The following CEP162 variants were observed in gnomAD, a reference collection of about 807,000 sequenced individuals.
CEP162 encodes centrosomal protein of 162 kDa.
CEP162 carries 141 observed loss-of-function variants against 169.2 expected under a neutral mutation model. That is an observed-to-expected ratio of 0.83 (90% confidence interval 0.73 to 0.96). The LOEUF (loss-of-function observed/expected upper bound fraction) is 0.96, where lower values mean the gene tolerates loss of function less well. Among genes scored for constraint, CEP162 ranks in the 40% least tolerant of loss-of-function variants. The pLI, the probability that CEP162 is intolerant of heterozygous loss-of-function variation, is 0.00. For missense variants in CEP162, 1,600 were observed against 1,587.2 expected (o/e 1.01, Z -0.14); for synonymous variants, 540 against 526.4 (o/e 1.03, Z -0.35).
At chr6:84,224,889 T>C (rs2099555113) in intron 2 of CEP162, among the ~76,000 whole-genome samples, 1 of 152,228 alleles carries the variant, frequency 6.6e-6, no homozygotes, top group African/African-American at 2.4e-5. Context: ...ATTTTCAAAA[T>C]GTGTCTGTAT....
At chr6:84,205,054 A>G (rs2099546255) in intron 6 of CEP162, among the ~76,000 whole-genome samples, 1 of 152,156 alleles carries the variant, frequency 6.6e-6, no homozygotes, top group African/African-American at 2.4e-5. Context: ...TAGACCAATA[A>G]CAGGATCTGA....
At chr6:84,227,401 ACCCCGT>A (rs960342216) in intron 1 of CEP162, among the ~76,000 whole-genome samples, 173 bp downstream of exon 1, 1 of 151,588 alleles carries the variant, frequency 6.6e-6, no homozygotes, top group Non-Finnish European at 1.5e-5. Context: ...CCTGGCTGCG[ACCCCGT>A]CCCCAGAAGC....
intron 25 of CEP162, among the ~76,000 whole-genome samples, chr6:84,129,618 T>A (rs1256221779): frequency 6.6e-6 from 1 of 152,216 alleles, no homozygotes; most frequent in African/African-American, 2.4e-5. Context: ...AAAAATTTTC[T>A]GCCATTCTGT....
chr6:84,174,001 C>T, intron 16 of CEP162, 47 bp downstream of exon 16: 3 of 1,548,960 alleles, frequency 1.9e-6, no homozygotes, highest in South Asian at 1.2e-5. Context: ...ATTTTTATAA[C>T]TAAAAGATCA....
intron 14 of CEP162, 81 bp from the exon 15 acceptor site, chr6:84,175,035 A>G (rs2099531847): frequency 2.0e-6 from 2 of 1,022,364 alleles, no homozygotes; most frequent in African/African-American, 3.3e-5. Context: ...AAAAAGAATA[A>G]AAAGGACATG....
At chr6:84,141,881 G>GA (rs939942469) in intron 25 of CEP162, among the ~76,000 whole-genome samples, 1 of 151,984 alleles carries the variant, frequency 6.6e-6, no homozygotes, top group African/African-American at 2.4e-5. Context: ...TGTGCTCAAG[G>GA]AAAAGAAAAA....
intron 2 of CEP162, among the ~76,000 whole-genome samples, chr6:84,223,882 G>A (rs2099554708): frequency 6.6e-6 from 1 of 151,864 alleles, no homozygotes; most frequent in South Asian, 2.1e-4. Context: ...CTCCAGCCTG[G>A]GCAACAGAGC....
intron 25 of CEP162, among the ~76,000 whole-genome samples, chr6:84,140,763 G>T (rs1164152412): frequency 6.6e-6 from 1 of 152,098 alleles, no homozygotes; most frequent in Non-Finnish European, 1.5e-5. Context: ...GGCCTTGGGA[G>T]ATCCTCTCAC....
In CEP162 at chr6:84,201,734, T is replaced by C; in HGVS notation, c.718+3A>G. The C allele has an allele frequency of 7.6e-7, 1 of 1,318,772 alleles. No homozygotes were observed. The highest frequency in any genetic ancestry group is 1.4e-5 in the South Asian group (1 of 72,686). The allele number at this position is 1,318,772 out of a possible 1,614,324, so 81.7% of individuals were successfully genotyped here. ...CTAAAACATGAATATAAATAATATTTACCATTAGCAAGCATGCCAGTTTTT... is the reference window on the plus strand; with the variant it reads ...CTAAAACATGAATATAAATAATATTCACCATTAGCAAGCATGCCAGTTTTT... On this transcript the variant is annotated splice_donor_region_variant and intron_variant, in intron 8 of 26. Transcript: ENST00000403245.
At chr6:84,208,985 A>G (rs62449313) in intron 6 of CEP162, among the ~76,000 whole-genome samples, 5,758 of 152,338 alleles carry the variant, frequency 0.038, 166 homozygotes, top group Admixed American at 0.092. Flanking sequence ...GAGATATGGG[A>G]GAATATGACA....
intron 25 of CEP162, among the ~76,000 whole-genome samples, chr6:84,146,299 G>A (rs2099518831): frequency 6.6e-6 from 1 of 151,920 alleles, no homozygotes; most frequent in South Asian, 2.1e-4. Flanking sequence ...TTTTGTTATG[G>A]GGTCTGTCTC....
At position 84,153,019 on chromosome 6, in the gene CEP162, A is replaced by T. The variant is rs76366046; in HGVS notation, c.3155T>A (p.Leu1052His). The change falls in exon 23 of 27, where the codon CTT becomes CAT. Residue 1052 changes from leucine (L) to histidine (H), a missense_variant. Leu to His is a moderately conservative substitution (Grantham distance 99). Transcript: ENST00000403245. ...VRNLEAEIDVLKHQNAELDVK... is the reference protein window; with the variant it reads ...VRNLEAEIDVHKHQNAELDVK... ...GTCTAATTCAGCATTCTGATGTTTA[A>T]GAACGTCTATTTCGGCTTCAAGGTT... 6.2e-7 allele frequency: 1 copy of T among 1,613,524 alleles called. No homozygotes were observed. Among genetic ancestry groups the T allele is most frequent in the Non-Finnish European group, 8.5e-7 (1 of 1,179,732 alleles).
chr6:84,192,719 G>C (rs1219941134), intron 11 of CEP162, among the ~76,000 whole-genome samples: 1 of 152,212 alleles, frequency 6.6e-6, no homozygotes, highest in African/African-American at 2.4e-5. Context: ...ATTTTATGGA[G>C]ATCAAAGACC....
At chr6:84,168,611 T>A (rs1403911008) in intron 18 of CEP162, among the ~76,000 whole-genome samples, 1 of 152,148 alleles carries the variant, frequency 6.6e-6, no homozygotes, top group Non-Finnish European at 1.5e-5. Flanking sequence ...TTTTAATTGT[T>A]AAAATGACTG....
At chr6:84,177,867 T>G (rs568616942) in intron 13 of CEP162, among the ~76,000 whole-genome samples, 1 of 152,276 alleles carries the variant, frequency 6.6e-6, no homozygotes, top group South Asian at 2.1e-4. Context: ...AACACTCTTT[T>G]TAAAAGTATG....
At position 84,155,434 on chromosome 6, in the gene CEP162, G is replaced by A; in HGVS notation, c.2858C>T (p.Ala953Val). The change falls in exon 22 of 27, where the codon GCT becomes GTT. Residue 953 changes from alanine (A) to valine (V), a missense_variant. Physicochemically the swap from Ala to Val is moderately conservative, Grantham distance 64. Coordinates refer to ENST00000403245, the MANE Select transcript of CEP162 (RefSeq NM_014895.4). ...TGTATTTTTATCCACTGTATCACCAGCTGCTGATGCAGCCAATATTAAAGC... is the reference window on the plus strand; with the variant it reads ...TGTATTTTTATCCACTGTATCACCAACTGCTGATGCAGCCAATATTAAAGC... ...LPALILAASA[A>V]GDTVDKNTVE... 1.2e-6 allele frequency: 2 copies of A among 1,613,192 alleles called. No individual in the cohort carries two copies. The highest frequency in any genetic ancestry group is 2.2e-5 in the South Asian group (2 of 91,064).
At chr6:84,138,859 C>T (rs1360630989) in intron 25 of CEP162, among the ~76,000 whole-genome samples, 1 of 152,168 alleles carries the variant, frequency 6.6e-6, no homozygotes, top group Non-Finnish European at 1.5e-5. Context: ...TTATGTACAT[C>T]TTAAACACTG....
chr6:84,127,271 GAACT>G (rs1239664151), intron 25 of CEP162, among the ~76,000 whole-genome samples: 15 of 152,040 alleles, frequency 9.9e-5, no homozygotes, highest in South Asian at 2.1e-4. Context: ...AAAATGGATA[GAACT>G]AACAATAACT....
At chr6:84,195,119 T>C (rs2127725579) in intron 9 of CEP162, 44 bp from the exon 10 acceptor site, 1 of 1,396,946 alleles carries the variant, frequency 7.2e-7, no homozygotes, top group East Asian at 2.4e-5. Flanking sequence ...ACATCACAAA[T>C]ACATGAGAAC....
Sources: allele counts gnomAD v4.1 joint callset (sites outside exome capture counted in the v4.1 genomes callset), GRCh38; gene constraint gnomAD v4.1.1; transcripts MANE v1.5; gene names NCBI Gene and HGNC (gene_info 2026-07-23, HGNC 2026-07-21).